The following IFIH1 variants were observed in gnomAD, a reference collection of about 807,000 sequenced individuals.
The protein encoded by IFIH1 is interferon-induced helicase C domain-containing protein 1.
Under a neutral mutation model 107.4 loss-of-function variants are expected in IFIH1, and 125 were observed. The observed-to-expected ratio is 1.16, with a 90% CI of 1.01 to 1.35. The LOEUF is 1.35. Among genes scored for constraint, IFIH1 ranks in the 40% most tolerant of loss-of-function variants. The pLI is 0.00. For synonymous variants in IFIH1, 458 were observed against 413.2 expected (o/e 1.11, Z -1.31); for missense variants, 1,333 against 1,213.7 (o/e 1.10, Z -1.46).
At chr2:162,278,550 T>C (rs1040563871) in intron 8 of IFIH1, among the ~76,000 whole-genome samples, 4 of 152,266 alleles carry the variant, frequency 2.6e-5, no homozygotes, top group Non-Finnish European at 5.9e-5. Context: ...TTACCTCTGC[T>C]GGAATCTCCA....
chr2:162,288,354 A>G lies in IFIH1; in HGVS notation c.876T>C (p.Asp292=). 1 of 1,610,616 alleles carries G rather than the reference A, an allele frequency of 6.2e-7. No homozygotes were observed. Among genetic ancestry groups the G allele is most frequent in the Non-Finnish European group, 8.5e-7 (1 of 1,177,534 alleles). The change falls in exon 5 of 16, where the codon GAT becomes GAC. Residue 292 remains aspartate (D), a splice_region_variant and synonymous_variant. Coordinates refer to ENST00000649979, the MANE Select transcript of IFIH1 (RefSeq NM_022168.4). ...ATGCTCTTGCTGCCACATTCTCTTC[A>G]TCTGAAGAAGGTTGAAAAGAAAAAT... ...SDSGTMGSDS[D]EENVAARASP...
chr2:162,272,182 G>C, intron 13 of IFIH1, 44 bp downstream of exon 13: 1 of 1,528,690 alleles, frequency 6.5e-7, no homozygotes, highest in Non-Finnish European at 9.0e-7. Context: ...ACCACATGCC[G>C]CCATTTTTAA....
In IFIH1 at chr2:162,267,113, G is replaced by T; in HGVS notation, c.*87C>A. 1 of 976,910 alleles carries T rather than the reference G, an allele frequency of 1.0e-6. No individual in the cohort carries two copies. Among genetic ancestry groups the T allele is most frequent in the South Asian group, 1.7e-5 (1 of 59,380 alleles). 60.5% of individuals were successfully genotyped at this position (976,910 alleles called of 1,614,324 possible). On this transcript the variant is annotated 3_prime_UTR_variant, in exon 16 of 16. Coordinates refer to ENST00000649979, the MANE Select transcript of IFIH1 (RefSeq NM_022168.4). ...AAACAATCATTTTATTGATTCTTAT[G>T]TCAGTTCTGTAGCATAATGAATACA... is the stretch of plus-strand genomic sequence containing the variant.
intron 1 of IFIH1, among the ~76,000 whole-genome samples, 161 bp downstream of exon 1, chr2:162,317,694 A>T (rs1396499388): frequency 2.0e-5 from 3 of 152,236 alleles, no homozygotes; most frequent in African/African-American, 7.2e-5. Context: ...TTGTGTTTAA[A>T]TTTTTAAAAT....
At chr2:162,279,552 G>A (rs979632716) in intron 8 of IFIH1, among the ~76,000 whole-genome samples, 1 of 152,036 alleles carries the variant, frequency 6.6e-6, no homozygotes, top group African/African-American at 2.4e-5. Flanking sequence ...TCCTAAGAAA[G>A]TAAATATGCA....
chr2:162,286,014 T>C (rs554001739), intron 5 of IFIH1, among the ~76,000 whole-genome samples: 32 of 152,082 alleles, frequency 2.1e-4, no homozygotes, highest in African/African-American at 7.7e-4. Context: ...GGGTGTCATA[T>C]CTCATGTCTC....
intron 1 of IFIH1, among the ~76,000 whole-genome samples, chr2:162,315,931 A>C (rs1041802040): frequency 6.6e-6 from 1 of 152,202 alleles, no homozygotes; most frequent in Non-Finnish European, 1.5e-5. Context: ...ATAGCTGCTC[A>C]GTCTTTTGGG....
At chr2:162,284,058 C>G (rs1020723336) in intron 5 of IFIH1, among the ~76,000 whole-genome samples, 2 of 151,426 alleles carry the variant, frequency 1.3e-5, no homozygotes, top group African/African-American at 4.8e-5. Flanking sequence ...AATGCAGACT[C>G]CTAAGTCCCA....
intron 4 of IFIH1, among the ~76,000 whole-genome samples, chr2:162,292,801 G>T (rs1333844256): frequency 6.6e-6 from 1 of 151,768 alleles, no homozygotes; most frequent in Non-Finnish European, 1.5e-5. Flanking sequence ...ATATAGAAAG[G>T]TATGTAATAG....
intron 2 of IFIH1, chr2:162,310,163 G>A (rs1341447266): frequency 6.6e-6 from 1 of 152,212 alleles, no homozygotes; most frequent in Non-Finnish European, 1.5e-5. Flanking sequence ...TTAATTAATA[G>A]TTAACTTTCA....
intron 4 of IFIH1, among the ~76,000 whole-genome samples, chr2:162,289,763 C>T (rs1426158361): frequency 3.3e-5 from 5 of 151,846 alleles, no homozygotes; most frequent in African/African-American, 7.2e-5. Flanking sequence ...AAAACAGATG[C>T]AATACATTTA....
Position 162,267,316 on chromosome 2 carries a change from C to A in IFIH1, c.2962G>T (p.Val988Leu), listed in dbSNP as rs74162090. Reference sequence around the variant, plus strand: ...GTTGAATTATTTTTGAAAACCACTACAAAATTCCTTATTTTGAGACAAGGC... The same window carrying A: ...GTTGAATTATTTTTGAAAACCACTAAAAAATTCCTTATTTTGAGACAAGGC... ...DLPCLKIRNF[V>L]VVFKNNSTKK... is the part of the protein sequence containing the mutation. The change falls in exon 16 of 16, where the codon GTA becomes TTA. Residue 988 changes from valine (V) to leucine (L), a missense_variant. Transcript: ENST00000649979. The A allele has an allele frequency of 2.4e-4, 386 of 1,612,728 alleles. 2 individuals are homozygous for A. Among genetic ancestry groups the A allele is most frequent in the Middle Eastern group, 1.5e-3 (9 of 6,054 alleles).
chr2:162,298,807 C>T (rs997176366), intron 3 of IFIH1, among the ~76,000 whole-genome samples: 1 of 152,118 alleles, frequency 6.6e-6, no homozygotes, highest in African/African-American at 2.4e-5. Flanking sequence ...CACACACACA[C>T]ACACTCACAT....
intron 4 of IFIH1, among the ~76,000 whole-genome samples, chr2:162,293,210 A>C (rs1683027978): frequency 6.6e-6 from 1 of 151,980 alleles, no homozygotes; most frequent in African/African-American, 2.4e-5. Context: ...TTAATTTAAA[A>C]AGTAGAATTT....
intron 3 of IFIH1, among the ~76,000 whole-genome samples, chr2:162,302,249 A>C (rs979521967): frequency 3.3e-5 from 5 of 152,220 alleles, no homozygotes; most frequent in Non-Finnish European, 2.9e-5. Flanking sequence ...TCTTTGCATT[A>C]AAGCTATAAA....
rs539547357 is a variant in IFIH1 at position 162,290,779 on chromosome 2, T to A, written c.875-2424A>T. On this transcript the variant is annotated intron_variant, in intron 4 of 15. Transcript: ENST00000649979. ...AGCACAGTGTGGATACAGGAAAAAATTAGAGTTGGATTCAATGTGAGACTA... is the reference window on the plus strand; with the variant it reads ...AGCACAGTGTGGATACAGGAAAAAAATAGAGTTGGATTCAATGTGAGACTA... Among the ~76,000 whole-genome samples the A allele has an allele frequency of 1.1e-4, 16 of 151,820 alleles. No homozygotes were observed. The South Asian group carries it at 3.3e-3, about 32-fold the overall frequency.
intron 4 of IFIH1, among the ~76,000 whole-genome samples, chr2:162,289,421 G>A (rs1013946011): frequency 6.6e-6 from 1 of 151,676 alleles, no homozygotes; most frequent in Non-Finnish European, 1.5e-5. Context: ...AATGTGAAAT[G>A]AAGTAACATA....
chr2:162,286,895 GTTA>G (rs1682904177), intron 5 of IFIH1, among the ~76,000 whole-genome samples: 1 of 151,906 alleles, frequency 6.6e-6, no homozygotes, highest in African/African-American at 2.4e-5. Context: ...GAGCAGGGTA[GTTA>G]TTATTTTGTT....
chr2:162,277,429 A>G lies in IFIH1; in HGVS notation c.2030T>C (p.Met677Thr), dbSNP rs1268091953. Residue 677 changes from methionine (M) to threonine (T), a missense_variant, in exon 10 of 16, where the codon ATG (methionine) becomes ACG (threonine). Met to Thr is a moderately conservative substitution (Grantham distance 81). Transcript: ENST00000649979. The part of the protein sequence containing the change: ...LKLDETDRFL[M>T]TLFFENNKML... ...TTGAATCTTACCAAAAAATAAAGTC[A>G]TGAGAAATCTATCTGTTTCATCCAG... 5 of 1,608,412 alleles carry G rather than the reference A, an allele frequency of 3.1e-6. No homozygotes were observed. Among genetic ancestry groups the G allele is most frequent in the Admixed American group, 3.4e-5 (2 of 59,600 alleles).
Sources: gnomAD v4.1 joint callset for allele counts (sites outside exome capture counted in the v4.1 genomes callset) on GRCh38, gnomAD v4.1.1 for gene constraint, MANE v1.5 for transcripts, NCBI Gene and HGNC (gene_info 2026-07-23, HGNC 2026-07-21) for gene names.